VIPR2: variants seen among roughly 807,000 people sequenced by gnomAD.
VIPR2 encodes the protein vasoactive intestinal peptide receptor 2, also known as vasoactive intestinal polypeptide receptor 2.
A neutral mutation model predicts 58.0 loss-of-function variants in VIPR2; 48 were observed. The observed-to-expected ratio is 0.83, with a 90% confidence interval of 0.66 to 1.05. The LOEUF (loss-of-function observed/expected upper bound fraction) is 1.05, where lower values mean the gene tolerates loss of function less well. Among genes scored for constraint, VIPR2 ranks in the 50% least tolerant of loss-of-function variants. VIPR2 has a pLI of 0.00. For synonymous variants in VIPR2, 243 were observed against 235.2 expected (o/e 1.03, Z -0.30); for missense variants, 534 against 558.0 (o/e 0.96, Z 0.43).
chr7:159,101,202 C>T (rs567149155), intron 4 of VIPR2, among the ~76,000 whole-genome samples: 10 of 137,720 alleles, frequency 7.3e-5, no homozygotes, highest in Admixed American at 4.4e-4. Context: ...ACGGGTCTCA[C>T]GAGATCCGAC....
intron 4 of VIPR2, among the ~76,000 whole-genome samples, chr7:159,059,945 T>A (rs1855541528): frequency 6.7e-6 from 1 of 148,672 alleles, no homozygotes; most frequent in African/African-American, 2.5e-5. Flanking sequence ...CTAACCACCA[T>A]CTCACTTCAC....
chr7:159,055,559 C>G (rs1449299011), intron 5 of VIPR2, among the ~76,000 whole-genome samples: 1 of 152,070 alleles, frequency 6.6e-6, no homozygotes, highest in African/African-American at 2.4e-5. Context: ...CAGTGCCGCT[C>G]CCTCTGGCTT....
intron 4 of VIPR2, among the ~76,000 whole-genome samples, chr7:159,082,431 C>G (rs1188436376): frequency 6.6e-6 from 1 of 151,754 alleles, no homozygotes; most frequent in Non-Finnish European, 1.5e-5. Flanking sequence ...CACATGGACA[C>G]AGGAAGGGGA....
At chr7:159,100,194 T>C (rs984755477) in intron 4 of VIPR2, among the ~76,000 whole-genome samples, 1 of 152,144 alleles carries the variant, frequency 6.6e-6, no homozygotes, top group Non-Finnish European at 1.5e-5. Context: ...GCAGACTGCA[T>C]GGGAATCAGA....
At chr7:159,117,776 G>A (rs74802060) in intron 2 of VIPR2, among the ~76,000 whole-genome samples, 5,409 of 152,324 alleles carry the variant, frequency 0.036, 142 homozygotes, top group Non-Finnish European at 0.053. Flanking sequence ...CCAAGTGTCA[G>A]CAGGACTTGG....
intron 6 of VIPR2, among the ~76,000 whole-genome samples, chr7:159,042,569 A>G (rs972498098): frequency 6.6e-6 from 1 of 152,244 alleles, no homozygotes; most frequent in Admixed American, 6.5e-5. Context: ...TATGCAACTG[A>G]GTTCACAATC....
intron 1 of VIPR2, 197 bp downstream of exon 1, chr7:159,144,524 C>T (rs1797612295): frequency 6.6e-7 from 1 of 1,518,882 alleles, no homozygotes; most frequent in Non-Finnish European, 8.9e-7. Flanking sequence ...GTCCCGCAAC[C>T]CGGCGGGACC....
intron 3 of VIPR2, among the ~76,000 whole-genome samples, chr7:159,105,785 C>T (rs1858609068): frequency 6.6e-6 from 1 of 152,288 alleles, no homozygotes. Context: ...TCCCACGGCC[C>T]CATTGTGCAG....
At chr7:159,110,388 T>G (rs1490344575) in intron 2 of VIPR2, among the ~76,000 whole-genome samples, 1 of 152,264 alleles carries the variant, frequency 6.6e-6, no homozygotes, top group Non-Finnish European at 1.5e-5. Flanking sequence ...TTAGGTTACC[T>G]TCATGGAGTT....
At chr7:159,114,300 G>T (rs1336550042) in intron 2 of VIPR2, among the ~76,000 whole-genome samples, 1 of 152,040 alleles carries the variant, frequency 6.6e-6, no homozygotes, top group Non-Finnish European at 1.5e-5. Context: ...GGCAGGCAGG[G>T]CCACCCCCGA....
chr7:159,100,205 C>T (rs1858122017), intron 4 of VIPR2, among the ~76,000 whole-genome samples: 1 of 152,190 alleles, frequency 6.6e-6, no homozygotes, highest in Non-Finnish European at 1.5e-5. Flanking sequence ...GGGAATCAGA[C>T]TACCAGGGCC....
intron 5 of VIPR2, among the ~76,000 whole-genome samples, chr7:159,044,071 T>A (rs1854504133): frequency 6.6e-6 from 1 of 152,182 alleles, no homozygotes; most frequent in African/African-American, 2.4e-5. Context: ...CAGCGAGAGC[T>A]AAGGCAGAGC....
intron 5 of VIPR2, among the ~76,000 whole-genome samples, chr7:159,054,823 A>C (rs1319575519): frequency 1.3e-5 from 2 of 152,234 alleles, no homozygotes; most frequent in African/African-American, 2.4e-5. Context: ...GTATACTTTG[A>C]TGCTTTGATA....
At chr7:159,061,997 G>A (rs1046930278) in intron 4 of VIPR2, among the ~76,000 whole-genome samples, 7 of 152,192 alleles carry the variant, frequency 4.6e-5, no homozygotes, top group Admixed American at 2.0e-4. Flanking sequence ...GAGGAGCCCC[G>A]TCCTGAGAAG....
intron 2 of VIPR2, among the ~76,000 whole-genome samples, chr7:159,119,566 C>A (rs1479636966): frequency 6.6e-6 from 1 of 152,204 alleles, no homozygotes; most frequent in Non-Finnish European, 1.5e-5. Context: ...AGGGCACAAC[C>A]CCAACGCTCT....
chr7:159,037,062 C>T (rs905562951), intron 6 of VIPR2, among the ~76,000 whole-genome samples, 160 bp from the exon 7 acceptor site: 2 of 152,236 alleles, frequency 1.3e-5, no homozygotes, highest in African/African-American at 4.8e-5. Context: ...GAGGCCAGGG[C>T]GCTGGCCAGG....
intron 2 of VIPR2, among the ~76,000 whole-genome samples, chr7:159,141,473 G>A (rs772255893): frequency 2.6e-5 from 4 of 152,360 alleles, no homozygotes; most frequent in Non-Finnish European, 5.9e-5. Flanking sequence ...ACCGCTGGCC[G>A]CCTGTGGCTA....
intron 5 of VIPR2, among the ~76,000 whole-genome samples, chr7:159,048,288 G>T (rs1244911851): frequency 1.3e-5 from 2 of 152,178 alleles, no homozygotes; most frequent in African/African-American, 4.8e-5. Context: ...AAACAAAGGT[G>T]CTTTTGCTTC....
chr7:159,109,647 C>T (rs1795911562), intron 3 of VIPR2, among the ~76,000 whole-genome samples, 165 bp downstream of exon 3: 2 of 152,204 alleles, frequency 1.3e-5, no homozygotes, highest in Admixed American at 1.3e-4. Flanking sequence ...CCCTTCTGCT[C>T]CCTAAGACGG....
Sources: allele counts gnomAD v4.1 joint callset (sites outside exome capture counted in the v4.1 genomes callset), GRCh38; gene constraint gnomAD v4.1.1; transcripts MANE v1.5; gene names NCBI Gene and HGNC (gene_info 2026-07-23, HGNC 2026-07-21).